Variants in STPG2 observed in about 807,000 individuals in gnomAD.
STPG2 encodes the protein sperm tail PG-rich repeat containing 2, also known as sperm-tail PG-rich repeat-containing protein 2.
In STPG2, 56 loss-of-function variants were observed where a neutral mutation model predicts 54.2. That is an observed-to-expected ratio of 1.03 (90% CI 0.83 to 1.29). The LOEUF (loss-of-function observed/expected upper bound fraction) is 1.29, where lower values mean the gene tolerates loss of function less well. Among genes scored for constraint, STPG2 ranks in the 50% most tolerant of loss-of-function variants. STPG2 has a pLI of 0.00. For missense variants in STPG2, 596 were observed against 544.9 expected, an observed-to-expected ratio of 1.09 and a Z score of -0.93; for synonymous variants, 200 against 181.8, an observed-to-expected ratio of 1.10 and a Z score of -0.81.
chr4:98,092,760 A>ACAT (rs1027203328), intron 5 of STPG2, among the ~76,000 whole-genome samples: 10 of 152,058 alleles, frequency 6.6e-5, no homozygotes, highest in African/African-American at 2.4e-4. Flanking sequence ...TTTTAATATA[A>ACAT]CTTTTAAAAG....
intron 8 of STPG2, among the ~76,000 whole-genome samples, chr4:97,893,515 T>A (rs537025616): frequency 1.3e-5 from 2 of 152,166 alleles, no homozygotes; most frequent in Admixed American, 6.6e-5. Flanking sequence ...ATTTAAGCTC[T>A]TCCAACTCAC....
At position 97,630,594 on chromosome 4, in the gene STPG2, A is replaced by T. The variant is rs76984401; in HGVS notation, c.1321-71477T>A. 1.1e-3 allele frequency among the ~76,000 whole-genome samples: 171 copies of T among 152,026 alleles called. 2 individuals carry two copies. The highest frequency in any genetic ancestry group is 0.011 in the East Asian group (56 of 5,182). Reference sequence around the variant, plus strand: ...TCTCACACATCTTATCAGAAGATTAATCTGAAATTCAGATTTTGAAAAACA... The same window carrying T: ...TCTCACACATCTTATCAGAAGATTATTCTGAAATTCAGATTTTGAAAAACA... On this transcript the variant is annotated intron_variant, in intron 10 of 10. Transcript: ENST00000295268.
intron 7 of STPG2, among the ~76,000 whole-genome samples, chr4:97,944,730 G>T (rs1442093924): frequency 2.0e-5 from 3 of 152,048 alleles, no homozygotes; most frequent in Non-Finnish European, 2.9e-5. Flanking sequence ...TTGACACATA[G>T]TAGCTAATAG....
At chr4:97,843,200 T>C in intron 8 of STPG2, among the ~76,000 whole-genome samples, 1 of 151,754 alleles carries the variant, frequency 6.6e-6, no homozygotes, top group East Asian at 1.9e-4. Flanking sequence ...TTTTGGCTTA[T>C]TGCATGACTT....
chr4:97,665,592 A>G (rs1404987401), intron 10 of STPG2, among the ~76,000 whole-genome samples: 1 of 152,086 alleles, frequency 6.6e-6, no homozygotes, highest in Non-Finnish European at 1.5e-5. Context: ...AAAAAGTACT[A>G]TAAGTTCCTA....
intron 10 of STPG2, among the ~76,000 whole-genome samples, chr4:97,566,657 A>G (rs1426563031): frequency 1.3e-5 from 2 of 152,152 alleles, no homozygotes; most frequent in African/African-American, 2.4e-5. Flanking sequence ...GATAGACTGG[A>G]TTAAGAAAAT....
intron 5 of STPG2, among the ~76,000 whole-genome samples, chr4:98,045,245 C>T (rs765051628): frequency 6.6e-6 from 1 of 152,140 alleles, no homozygotes; most frequent in Non-Finnish European, 1.5e-5. Flanking sequence ...TGTCCAAGCA[C>T]CTGAACAGAG....
At position 98,026,473 on chromosome 4, in the gene STPG2, G is replaced by A. The variant is rs537749955; in HGVS notation, c.613-45155C>T. Reference sequence around the variant, plus strand: ...TAGTTGGCAAGAGAGGGCACCAGATGGACATTGTATGTCATGGTAAAGGAA... The same window carrying A: ...TAGTTGGCAAGAGAGGGCACCAGATAGACATTGTATGTCATGGTAAAGGAA... On this transcript the variant is annotated intron_variant, in intron 5 of 10. Transcript: ENST00000295268. Among the ~76,000 whole-genome samples, 4 of 152,218 alleles carry A rather than the reference G, an allele frequency of 2.6e-5. No homozygotes were observed. The South Asian group carries it at 6.2e-4, about 24-fold the overall frequency.
chr4:97,805,851 A>T (rs1727543661), intron 9 of STPG2, among the ~76,000 whole-genome samples: 1 of 152,108 alleles, frequency 6.6e-6, no homozygotes, highest in Non-Finnish European at 1.5e-5. Context: ...AAAAAAAAAA[A>T]ATAGATGCTG....
At chr4:97,536,658 G>A (rs1388635981) in intron 4 of STPG2, among the ~76,000 whole-genome samples, 1 of 152,172 alleles carries the variant, frequency 6.6e-6, no homozygotes, top group African/African-American at 2.4e-5. Flanking sequence ...TCAGAGACAT[G>A]TTAGAAAGGT....
intron 10 of STPG2, among the ~76,000 whole-genome samples, chr4:97,579,529 A>G (rs910843240): frequency 6.6e-6 from 1 of 152,124 alleles, no homozygotes; most frequent in South Asian, 2.1e-4. Context: ...CTCCATTTTA[A>G]AATAATCACA....
At chr4:97,911,474 CA>C (rs1375202689) in intron 8 of STPG2, among the ~76,000 whole-genome samples, 1 of 152,128 alleles carries the variant, frequency 6.6e-6, no homozygotes, top group Non-Finnish European at 1.5e-5. Flanking sequence ...GCCATCTCTG[CA>C]GCTGGAGTCA....
At chr4:97,955,536 G>T (rs1733644525) in intron 7 of STPG2, among the ~76,000 whole-genome samples, 1 of 152,092 alleles carries the variant, frequency 6.6e-6, no homozygotes, top group African/African-American at 2.4e-5. Context: ...AATTCTAAGA[G>T]TGTTCGAGGC....
intron 10 of STPG2, among the ~76,000 whole-genome samples, chr4:97,573,074 C>T (rs1044785094): frequency 6.6e-6 from 1 of 151,990 alleles, no homozygotes; most frequent in Non-Finnish European, 1.5e-5. Context: ...AATAAAAATG[C>T]CTCAGACATT....
intron 5 of STPG2, among the ~76,000 whole-genome samples, chr4:98,088,068 A>C (rs1487715851): frequency 1.3e-5 from 2 of 152,182 alleles, no homozygotes; most frequent in Non-Finnish European, 2.9e-5. Context: ...ACCTGACAAG[A>C]AAGTGAGCAT....
intron 8 of STPG2, among the ~76,000 whole-genome samples, chr4:97,872,036 A>AT (rs1730009416): frequency 2.0e-5 from 3 of 151,284 alleles, no homozygotes; most frequent in Admixed American, 2.0e-4. Context: ...TAAAAAGAAC[A>AT]GTCATATGAT....
chr4:98,055,664 G>A (rs1413269250), intron 5 of STPG2, among the ~76,000 whole-genome samples: 1 of 152,176 alleles, frequency 6.6e-6, no homozygotes, highest in African/African-American at 2.4e-5. Context: ...TTTGATGCCA[G>A]AGCATCTGTA....
chr4:97,787,914 T>G (rs1347429352), intron 9 of STPG2, among the ~76,000 whole-genome samples: 2 of 151,726 alleles, frequency 1.3e-5, no homozygotes, highest in Non-Finnish European at 2.9e-5. Context: ...TAATATTCAT[T>G]CTTATCTTTT....
chr4:97,592,388 A>G (rs907025584), intron 10 of STPG2, among the ~76,000 whole-genome samples: 1 of 152,188 alleles, frequency 6.6e-6, no homozygotes, highest in Admixed American at 6.5e-5. Context: ...CCATGCCAAT[A>G]TGTTTTTTGA....
Sources: allele counts gnomAD v4.1 joint callset (sites outside exome capture counted in the v4.1 genomes callset), GRCh38; gene constraint gnomAD v4.1.1; transcripts MANE v1.5; gene names NCBI Gene and HGNC (gene_info 2026-07-23, HGNC 2026-07-21).